Variants in SORD observed in about 807,000 individuals in gnomAD.
SORD encodes (R,R)-butanediol dehydrogenase.
A neutral mutation model predicts 35.6 loss-of-function variants in SORD; 18 were observed. The ratio of observed to expected loss-of-function variants is 0.51; its 90% CI spans 0.35 to 0.75. The LOEUF is 0.75. Among genes scored for constraint, SORD ranks in the 30% least tolerant of loss-of-function variants. SORD has a pLI of 0.01. For missense variants in SORD, 250 were observed against 390.2 expected (o/e 0.64, Z 3.03); for synonymous variants, 106 against 152.9 (o/e 0.69, Z 2.26).
intron 3 of SORD, chr15:45,058,731 G>A (rs1464798300): frequency 6.6e-6 from 1 of 152,226 alleles, no homozygotes; most frequent in African/African-American, 2.4e-5. Flanking sequence ...CTCAGCAGCA[G>A]AGCAGGAGAC....
chr15:45,061,932 A>T (rs1440013675), intron 4 of SORD, among the ~76,000 whole-genome samples: 2 of 152,174 alleles, frequency 1.3e-5, no homozygotes, highest in African/African-American at 4.8e-5. Context: ...GCAACGGCTG[A>T]CATTTCCTGA....
In SORD at chr15:45,073,591, A is replaced by G. The variant is rs1893549569; in HGVS notation, c.*61A>G. On this transcript the variant is annotated 3_prime_UTR_variant, in exon 9 of 9. Coordinates refer to ENST00000267814, the MANE Select transcript of SORD (RefSeq NM_003104.6). ...GGATCTCAGGGCACAATGGCTGGAC[A>G]TGGGTGGGCTCTGATGCAGAACTTT... 3.0e-5 allele frequency: 47 copies of G among 1,548,772 alleles called. No individual in the cohort carries two copies. The highest frequency in any genetic ancestry group is 4.1e-5 in the Admixed American group (2 of 48,402).
chr15:45,045,129 G>C (rs1050817725), intron 3 of SORD, among the ~76,000 whole-genome samples: 13 of 152,280 alleles, frequency 8.5e-5, no homozygotes, highest in African/African-American at 3.1e-4. Context: ...ACCCACCCTG[G>C]TCTTTTGGAC....
In SORD at chr15:45,049,258, G is replaced by A. The variant is rs1595501638; in HGVS notation, c.265+5837G>A. 2.6e-5 allele frequency among the ~76,000 whole-genome samples: 4 copies of A among 152,056 alleles called. No individual in the cohort carries two copies. In the East Asian group the frequency reaches 7.7e-4, roughly 29 times the overall value. ...TCTCGTTCCTCATCTCCCACCTCAG[G>A]AGTGGAGACTCTAACTGCTGTTAGG... On this transcript the variant is annotated intron_variant, in intron 3 of 8. Transcript: ENST00000267814.
chr15:45,049,388 G>C (rs1001662532), intron 3 of SORD, among the ~76,000 whole-genome samples: 1 of 152,172 alleles, frequency 6.6e-6, no homozygotes, highest in Non-Finnish European at 1.5e-5. Context: ...GTCCTCAGAA[G>C]AAAGGTGTGT....
rs1028834296 is a variant in SORD at position 45,077,089 on chromosome 15, T to C, written c.*3559T>C. 56 of 148,196 alleles carry C rather than the reference T, an allele frequency of 3.8e-4. No homozygotes were observed. Among genetic ancestry groups the C allele is most frequent in the Middle Eastern group, 3.4e-3 (1 of 292 alleles). The allele number at this position is 148,196 out of a possible 1,614,324, so 9.2% of individuals were successfully genotyped here. On this transcript the variant is annotated 3_prime_UTR_variant, in exon 9 of 9. Transcript: ENST00000267814. ...ACCACATCCCATTGTGTGGATAGAC[T>C]ATCATTTATAAAGCAAATTGCAGTA...
intron 1 of SORD, among the ~76,000 whole-genome samples, chr15:45,024,852 G>A (rs56827440): frequency 0.045 from 6,829 of 152,290 alleles, 262 homozygotes; most frequent in African/African-American, 0.11. Context: ...GACAGAGCCC[G>A]AGGGCTTTGA....
At chr15:45,033,047 G>A (rs1333919072) in intron 1 of SORD, among the ~76,000 whole-genome samples, 2 of 152,036 alleles carry the variant, frequency 1.3e-5, no homozygotes, top group Non-Finnish European at 2.9e-5. Context: ...CCCACCCGAA[G>A]ACAGTGGGAG....
intron 1 of SORD, among the ~76,000 whole-genome samples, chr15:45,030,064 G>T (rs1222070093): frequency 6.6e-6 from 1 of 152,234 alleles, no homozygotes; most frequent in African/African-American, 2.4e-5. Flanking sequence ...TCAATCAGAG[G>T]AAAGCGTCCA....
chr15:45,062,602 T>C (rs1418476037), intron 4 of SORD, among the ~76,000 whole-genome samples: 3 of 150,928 alleles, frequency 2.0e-5, no homozygotes, highest in African/African-American at 7.3e-5. Context: ...CCAGAGACCT[T>C]GTGATGGGTT....
intron 4 of SORD, among the ~76,000 whole-genome samples, chr15:45,062,974 T>C (rs1160065304): frequency 2.7e-5 from 4 of 148,614 alleles, no homozygotes; most frequent in Admixed American, 2.6e-4. Flanking sequence ...GGTACCAAGC[T>C]ATGCCATAGT....
intron 3 of SORD, among the ~76,000 whole-genome samples, chr15:45,045,457 C>A (rs1893031751): frequency 6.9e-6 from 1 of 143,910 alleles, no homozygotes; most frequent in Non-Finnish European, 1.5e-5. Flanking sequence ...TGCCTGAACC[C>A]AGGAGGTGGA....
intron 3 of SORD, chr15:45,050,753 A>C (rs1893111921): frequency 6.6e-6 from 1 of 152,242 alleles, no homozygotes; most frequent in South Asian, 2.1e-4. Context: ...TAGTTTCCAA[A>C]GTCTAGAGAA....
At chr15:45,030,752 G>C (rs915046701) in intron 1 of SORD, among the ~76,000 whole-genome samples, 1 of 152,246 alleles carries the variant, frequency 6.6e-6, no homozygotes, top group African/African-American at 2.4e-5. Flanking sequence ...TAACTATCCT[G>C]TGTGGATTCA....
chr15:45,070,764 T>C (rs1893498870), intron 7 of SORD: 1 of 152,196 alleles, frequency 6.6e-6, no homozygotes, highest in Non-Finnish European at 1.5e-5. Flanking sequence ...GTAAGTGACC[T>C]CCACCCCGCA....
chr15:45,049,300 C>T (rs1255963911), intron 3 of SORD, among the ~76,000 whole-genome samples: 1 of 152,108 alleles, frequency 6.6e-6, no homozygotes, highest in East Asian at 1.9e-4. Context: ...GGGCGATAAT[C>T]TCTCTGGCTA....
intron 1 of SORD, among the ~76,000 whole-genome samples, chr15:45,024,521 CACG>C (rs1255971800): frequency 6.6e-6 from 1 of 152,036 alleles, no homozygotes; most frequent in Non-Finnish European, 1.5e-5. Context: ...TTAACAGAGC[CACG>C]ACAAGGACTC....
chr15:45,039,315 G>C (rs1408095852), intron 1 of SORD, among the ~76,000 whole-genome samples: 1 of 152,268 alleles, frequency 6.6e-6, no homozygotes, highest in East Asian at 1.9e-4. Context: ...TTTTGGTAGA[G>C]ATGGGTGTCA....
At chr15:45,069,100 G>A in intron 7 of SORD, 48 bp downstream of exon 7, 2 of 1,396,548 alleles carry the variant, frequency 1.4e-6, no homozygotes, top group Non-Finnish European at 1.9e-6. Context: ...GGGGAGTGAA[G>A]GAGGCAGAAG....
Sources: gnomAD v4.1 joint callset for allele counts (sites outside exome capture counted in the v4.1 genomes callset) on GRCh38, gnomAD v4.1.1 for gene constraint, MANE v1.5 for transcripts, NCBI Gene and HGNC (gene_info 2026-07-23, HGNC 2026-07-21) for gene names.